Variants in NEIL2 observed in about 807,000 individuals in gnomAD.
NEIL2 encodes endonuclease 8-like 2.
In NEIL2, 23 loss-of-function variants were observed where a neutral mutation model predicts 22.2. The ratio of observed to expected loss-of-function variants is 1.04; its 90% CI spans 0.75 to 1.47. The LOEUF (loss-of-function observed/expected upper bound fraction) is 1.47, where lower values mean the gene tolerates loss of function less well. Ranked by LOEUF, NEIL2 falls within the 40% of genes most tolerant of loss-of-function variation. NEIL2 has a pLI of 0.00. For synonymous variants in NEIL2, 229 were observed against 164.8 expected, an observed-to-expected ratio of 1.39 and a Z score of -2.99; for missense variants, 583 against 404.7, an observed-to-expected ratio of 1.44 and a Z score of -3.78.
In NEIL2 at chr8:11,787,330, G is replaced by A. The variant is rs1805060645; in HGVS notation, c.*1057G>A. 1.3e-5 allele frequency: 2 copies of A among 152,640 alleles called. No homozygotes were observed. The highest frequency in any genetic ancestry group is 2.9e-5 in the Non-Finnish European group (2 of 68,042). 9.5% of individuals were successfully genotyped at this position (152,640 alleles called of 1,614,324 possible). On this transcript the variant is annotated 3_prime_UTR_variant, in exon 5 of 5. Coordinates refer to ENST00000284503, the MANE Select transcript of NEIL2 (RefSeq NM_145043.4). ...CCTAGAGCGGTGACATGAAAATAAA[G>A]CTCACTGTTACTCGCTGTTTTTGTC... is the stretch of plus-strand genomic sequence containing the variant.
Position 11,786,589 on chromosome 8 carries a change from A to G in NEIL2, c.*316A>G, listed in dbSNP as rs1277091191. On this transcript the variant is annotated 3_prime_UTR_variant, in exon 5 of 5. Coordinates refer to ENST00000284503, the MANE Select transcript of NEIL2 (RefSeq NM_145043.4). Reference sequence around the variant, plus strand: ...GCAAGGAAAAAGAAAGCCTATGGGAAATGGCTGTGCTCCCAACATAGCTTT... The same window carrying G: ...GCAAGGAAAAAGAAAGCCTATGGGAGATGGCTGTGCTCCCAACATAGCTTT... 2 of 417,746 alleles carry G rather than the reference A, an allele frequency of 4.8e-6. No individual in the cohort carries two copies. Among genetic ancestry groups the G allele is most frequent in the South Asian group, 2.3e-5 (1 of 42,764 alleles). 25.9% of individuals were successfully genotyped at this position (417,746 alleles called of 1,614,324 possible).
At chr8:11,773,363 C>G (rs1190924515) in intron 2 of NEIL2, among the ~76,000 whole-genome samples, 1 of 152,138 alleles carries the variant, frequency 6.6e-6, no homozygotes, top group Non-Finnish European at 1.5e-5. Context: ...GGCTGCCTGG[C>G]AGTGCTTTGA....
At chr8:11,776,814 A>G (rs1369508610) in intron 2 of NEIL2, among the ~76,000 whole-genome samples, 8 of 152,022 alleles carry the variant, frequency 5.3e-5, no homozygotes, top group African/African-American at 9.7e-5. Context: ...GCTCTCCCTC[A>G]TCAGTTACCC....
Position 11,787,035 on chromosome 8 carries a change from G to A in NEIL2, c.*762G>A, listed in dbSNP as rs1185457110. 6.6e-6 allele frequency: 1 copy of A among 150,568 alleles called. No homozygotes were observed. Among genetic ancestry groups the A allele is most frequent in the Non-Finnish European group, 1.5e-5 (1 of 67,714 alleles). 9.3% of individuals were successfully genotyped at this position (150,568 alleles called of 1,614,324 possible). On this transcript the variant is annotated 3_prime_UTR_variant, in exon 5 of 5. Coordinates refer to ENST00000284503, the MANE Select transcript of NEIL2 (RefSeq NM_145043.4). ...AACAGGATTTTTTTTTTTTTATCTT[G>A]TTCCCTGGAGGATCCAGGGATGAGG...
In NEIL2 at chr8:11,786,564, G is replaced by C. The variant is rs1380027563; in HGVS notation, c.*291G>C. 1 of 480,402 alleles carries C rather than the reference G, an allele frequency of 2.1e-6. No homozygotes were observed. Among genetic ancestry groups the C allele is most frequent in the Non-Finnish European group, 3.8e-6 (1 of 263,528 alleles). 29.8% of individuals were successfully genotyped at this position (480,402 alleles called of 1,614,324 possible). A position where few individuals can be genotyped will look rare whatever the true frequency, so the allele number is the denominator to read the frequency against. ...GGAAAACTTCCCGGAAGGCAATGGGGCAAGGAAAAAGAAAGCCTATGGGAA... is the reference window on the plus strand; with the variant it reads ...GGAAAACTTCCCGGAAGGCAATGGGCCAAGGAAAAAGAAAGCCTATGGGAA... On this transcript the variant is annotated 3_prime_UTR_variant, in exon 5 of 5. Transcript: ENST00000284503.
chr8:11,782,212 C>T (rs1312783291), intron 3 of NEIL2, among the ~76,000 whole-genome samples: 1 of 152,102 alleles, frequency 6.6e-6, no homozygotes, highest in Admixed American at 6.5e-5. Flanking sequence ...CACCTGACGT[C>T]AGGAGTTCGA....
At chr8:11,779,187 G>T (rs750744545) in intron 2 of NEIL2, among the ~76,000 whole-genome samples, 1 of 152,054 alleles carries the variant, frequency 6.6e-6, no homozygotes, top group Non-Finnish European at 1.5e-5. Flanking sequence ...AGTTTCACAG[G>T]GTGTTGTCTT....
At chr8:11,774,123 C>A (rs971543309) in intron 2 of NEIL2, among the ~76,000 whole-genome samples, 1 of 152,154 alleles carries the variant, frequency 6.6e-6, no homozygotes, top group African/African-American at 2.4e-5. Context: ...TGCCTGTAAT[C>A]CCAGCACTTT....
At chr8:11,778,879 G>T (rs1471830034) in intron 2 of NEIL2, among the ~76,000 whole-genome samples, 7 of 138,754 alleles carry the variant, frequency 5.0e-5, no homozygotes, top group African/African-American at 1.9e-4. Flanking sequence ...TTGAACCCAG[G>T]AGATGGAGGC....
At chr8:11,782,369 G>A (rs1234734310) in intron 3 of NEIL2, among the ~76,000 whole-genome samples, 4 of 152,158 alleles carry the variant, frequency 2.6e-5, no homozygotes, top group Admixed American at 1.3e-4. Flanking sequence ...AGATTGCAGT[G>A]AGCCAAGATA....
chr8:11,779,502 G>A, intron 2 of NEIL2, 96 bp from the exon 3 acceptor site: 1 of 1,019,318 alleles, frequency 9.8e-7, no homozygotes, highest in Non-Finnish European at 1.5e-6. Context: ...CCCAGGAGGG[G>A]TGAGAAGGAA....
chr8:11,785,932 C>G (rs772443467), intron 4 of NEIL2, 31 bp from the exon 5 acceptor site: 9 of 1,604,348 alleles, frequency 5.6e-6, no homozygotes, highest in Non-Finnish European at 7.7e-6. Context: ...TGTCCTTTGT[C>G]CTTCCCTTAC....
rs373443253 is a variant in NEIL2, at chr8:11,779,928, G to A, written c.469G>A (p.Asp157Asn). Residue 157 changes from aspartate to asparagine, a missense_variant, in exon 3 of 5, where the codon GAC becomes AAC. Asp to Asn is a conservative substitution (Grantham distance 23). Transcript: ENST00000284503. ...SRAKKANKRGDWRDPSPRLVL... is the reference protein window; with the variant it reads ...SRAKKANKRGNWRDPSPRLVL... ...AGCCAAGAAAGCCAACAAGAGGGGG[G>A]ACTGGAGGGACCCTTCCCCGAGGTA... The A allele has an allele frequency of 1.2e-6, 2 of 1,614,046 alleles. No homozygotes were observed. The highest frequency in any genetic ancestry group is 1.7e-6 in the Non-Finnish European group (2 of 1,179,938).
chr8:11,771,403 A>G, intron 1 of NEIL2, 43 bp from the exon 2 acceptor site: 1 of 1,611,948 alleles, frequency 6.2e-7, no homozygotes, highest in Non-Finnish European at 8.5e-7. Context: ...CTAGAGATAA[A>G]TGAGCTAAGT....
intron 2 of NEIL2, among the ~76,000 whole-genome samples, chr8:11,774,329 C>T (rs1005920881): frequency 1.4e-4 from 22 of 152,218 alleles, no homozygotes; most frequent in African/African-American, 3.6e-4. Context: ...GAGCTGAGAT[C>T]GCACCTGCGC....
In NEIL2 at chr8:11,785,948, C is replaced by T. The variant is rs752638391; in HGVS notation, c.689-15C>T. 69 of 1,612,874 alleles carry T rather than the reference C, an allele frequency of 4.3e-5. No individual in the cohort carries two copies. In the East Asian group the frequency reaches 1.4e-3, roughly 34 times the overall value. On this transcript the variant is annotated splice_polypyrimidine_tract_variant and intron_variant, in intron 4 of 4. Coordinates refer to ENST00000284503, the MANE Select transcript of NEIL2 (RefSeq NM_145043.4). ...GTCCTTTGTCCTTCCCTTACCTTCC[C>T]CCGCTTTATTTCAGGGAACATCATT... is the stretch of plus-strand genomic sequence containing the variant.
At chr8:11,779,002 T>G (rs1471389481) in intron 2 of NEIL2, among the ~76,000 whole-genome samples, 4 of 150,530 alleles carry the variant, frequency 2.7e-5, no homozygotes, top group African/African-American at 7.3e-5. Context: ...TTTTCTATAT[T>G]TATTTTCTTC....
intron 2 of NEIL2, among the ~76,000 whole-genome samples, chr8:11,772,550 A>G (rs538041373): frequency 3.9e-5 from 6 of 152,266 alleles, no homozygotes; most frequent in African/African-American, 1.4e-4. Context: ...AGGAGACTCC[A>G]TCTCTGTGCT....
chr8:11,783,319 G>A lies in NEIL2; in HGVS notation c.608G>A (p.Arg203Gln), dbSNP rs754841831. 72 of 1,614,186 alleles carry A rather than the reference G, an allele frequency of 4.5e-5. No homozygotes were observed. In the South Asian group the frequency reaches 5.4e-4, roughly 12 times the overall value. Reference sequence around the variant, plus strand: ...GACATCCTGTCTGAGAAGTTCCATCGAGGACAAGCCTTAGAAGCTCTAGGC... The same window carrying A: ...GACATCCTGTCTGAGAAGTTCCATCAAGGACAAGCCTTAGAAGCTCTAGGC... Reference protein sequence around the residue: ...TCDILSEKFHRGQALEALGQA... With the variant: ...TCDILSEKFHQGQALEALGQA... Residue 203 changes from arginine (R) to glutamine (Q), a missense_variant, in exon 4 of 5, where the codon CGA becomes CAA. By Grantham distance (43) the Arg-to-Gln change is conservative (BLOSUM62 1). Coordinates refer to ENST00000284503, the MANE Select transcript of NEIL2 (RefSeq NM_145043.4).
Sources: allele counts gnomAD v4.1 joint callset (sites outside exome capture counted in the v4.1 genomes callset), GRCh38; gene constraint gnomAD v4.1.1; transcripts MANE v1.5; gene names NCBI Gene and HGNC (gene_info 2026-07-23, HGNC 2026-07-21).